Variants in RAPGEF2 observed in about 807,000 individuals in gnomAD.
The protein encoded by RAPGEF2 is PDZ domain containing guanine nucleotide exchange factor (GEF) 1.
Under a neutral mutation model 186.7 loss-of-function variants are expected in RAPGEF2, and 54 were observed. That is an observed-to-expected ratio of 0.29 (90% CI 0.23 to 0.36). The LOEUF (loss-of-function observed/expected upper bound fraction) is 0.36. Among genes scored for constraint, RAPGEF2 ranks in the 10% least tolerant of loss-of-function variants. RAPGEF2 has a pLI of 1.00. For missense variants in RAPGEF2, 1,532 were observed against 2,045.0 expected, an observed-to-expected ratio of 0.75 and a Z score of 4.84; for synonymous variants, 712 against 705.9, an observed-to-expected ratio of 1.01 and a Z score of -0.14.
chr4:159,153,129 C>T (rs1561018199), intron 1 of RAPGEF2, among the ~76,000 whole-genome samples: 1 of 152,194 alleles, frequency 6.6e-6, no homozygotes, highest in African/African-American at 2.4e-5. Context: ...CTTCATTACA[C>T]TAGTAGCCTT....
chr4:159,178,661 G>A (rs1339262701), intron 1 of RAPGEF2, among the ~76,000 whole-genome samples: 1 of 146,944 alleles, frequency 6.8e-6, no homozygotes, highest in Non-Finnish European at 1.5e-5. Flanking sequence ...GGGTTCAAGC[G>A]ATTCTCCTGC....
chr4:159,350,116 G>GTT (rs11320537), intron 25 of RAPGEF2, 21 bp from the exon 26 acceptor site: 181 of 1,268,262 alleles, frequency 1.4e-4, no homozygotes, highest in Middle Eastern at 8.1e-4. Flanking sequence ...CATATTTAAG[G>GTT]TTTTTTTTTT....
At chr4:159,110,756 A>G (rs555717221) in intron 1 of RAPGEF2, among the ~76,000 whole-genome samples, 11 of 152,324 alleles carry the variant, frequency 7.2e-5, no homozygotes, top group African/African-American at 2.4e-4. Flanking sequence ...TGACGACACA[A>G]TGTAATGATG....
intron 7 of RAPGEF2, among the ~76,000 whole-genome samples, chr4:159,300,004 C>T (rs1462211880): frequency 6.6e-6 from 1 of 151,502 alleles, no homozygotes; most frequent in Non-Finnish European, 1.5e-5. Context: ...TCCTTCACAC[C>T]CATTTATTTA....
intron 1 of RAPGEF2, among the ~76,000 whole-genome samples, chr4:159,140,837 A>AT (rs901325959): frequency 5.1e-4 from 32 of 62,442 alleles, no homozygotes; most frequent in African/African-American, 8.2e-4. Context: ...AAAAAAAAAA[A>AT]TTTTTTTTTT....
chr4:159,243,457 CT>C (rs1323580535), intron 6 of RAPGEF2, among the ~76,000 whole-genome samples: 1 of 151,836 alleles, frequency 6.6e-6, no homozygotes, highest in African/African-American at 2.4e-5. Context: ...TTTATTACCC[CT>C]ACGCCATATT....
In RAPGEF2 at chr4:159,104,124, C is replaced by A. The variant is rs548159339; in HGVS notation, c.-39C>A. 2.4e-4 allele frequency: 343 copies of A among 1,408,692 alleles called. No homozygotes were observed. The African/African-American group carries it at 4.6e-3, about 19-fold the overall frequency. The allele number at this position is 1,408,692 out of a possible 1,614,324, so 87.3% of individuals were successfully genotyped here. ...GGCGCTGGGCCGGGAGGAGGCCGGC[C>A]AGGGTGCGGAGCGGCCCCGGCCCGC... On this transcript the variant is annotated 5_prime_UTR_variant, in exon 1 of 30. Transcript: ENST00000691494.
At chr4:159,253,049 C>G (rs1387819955) in intron 7 of RAPGEF2, among the ~76,000 whole-genome samples, 3 of 152,196 alleles carry the variant, frequency 2.0e-5, no homozygotes, top group Non-Finnish European at 4.4e-5. Context: ...GTTCTCACAT[C>G]TGTATTCAAT....
chr4:159,143,111 C>G (rs1334988733), intron 1 of RAPGEF2, among the ~76,000 whole-genome samples: 2 of 152,006 alleles, frequency 1.3e-5, no homozygotes, highest in Admixed American at 1.3e-4. Context: ...GTGGCATGCA[C>G]CTGTAGTCTC....
rs980908570 is a variant in RAPGEF2, at chr4:159,255,672, G to C, written c.543+11881G>C. Among the ~76,000 whole-genome samples, 3 of 152,168 alleles carry C rather than the reference G, an allele frequency of 2.0e-5. No individual in the cohort carries two copies. In the South Asian group the frequency reaches 6.2e-4, roughly 32 times the overall value. On this transcript the variant is annotated intron_variant, in intron 7 of 29. Transcript: ENST00000691494. Reference sequence around the variant, plus strand: ...TTCTACGTGATAAGGGGTCACCATAGGTTCTTGCATTGTTTTTGGGTAGAG... The same window carrying C: ...TTCTACGTGATAAGGGGTCACCATACGTTCTTGCATTGTTTTTGGGTAGAG...
intron 7 of RAPGEF2, among the ~76,000 whole-genome samples, chr4:159,265,957 G>GT (rs1469697451): frequency 6.6e-6 from 1 of 152,222 alleles, no homozygotes; most frequent in Non-Finnish European, 1.5e-5. Context: ...GGTTCATCAT[G>GT]TAAGTATTCC....
At chr4:159,117,294 A>C (rs1023437377) in intron 1 of RAPGEF2, among the ~76,000 whole-genome samples, 1 of 152,210 alleles carries the variant, frequency 6.6e-6, no homozygotes, top group African/African-American at 2.4e-5. Context: ...CTTTAGGGCA[A>C]ACATTTTCTG....
chr4:159,301,055 T>G (rs1272987259), intron 7 of RAPGEF2, among the ~76,000 whole-genome samples: 2 of 152,178 alleles, frequency 1.3e-5, no homozygotes, highest in African/African-American at 4.8e-5. Context: ...TTCCATAACT[T>G]GACTGATGTG....
intron 25 of RAPGEF2, among the ~76,000 whole-genome samples, chr4:159,348,149 G>A (rs1296482946): frequency 6.6e-6 from 1 of 152,052 alleles, no homozygotes; most frequent in Non-Finnish European, 1.5e-5. Context: ...TCAACCTGGG[G>A]GGTGGAAATT....
At chr4:159,270,932 A>G (rs1350275018) in intron 7 of RAPGEF2, among the ~76,000 whole-genome samples, 1 of 152,198 alleles carries the variant, frequency 6.6e-6, no homozygotes, top group African/African-American at 2.4e-5. Context: ...GGTTTTGTGA[A>G]TATAAAAATG....
rs1165082518 is a variant in RAPGEF2 at position 159,343,355 on chromosome 4, G to A, written c.3205G>A (p.Gly1069Ser). 5 of 1,613,900 alleles carry A rather than the reference G, an allele frequency of 3.1e-6. No individual in the cohort carries two copies. Among genetic ancestry groups the A allele is most frequent in the Non-Finnish European group, 4.2e-6 (5 of 1,179,940 alleles). Residue 1069 changes from glycine (G) to serine (S), a missense_variant, in exon 22 of 30, where the codon GGC becomes AGC. Coordinates refer to ENST00000691494, the MANE Select transcript of RAPGEF2 (RefSeq NM_001394067.2). Reference protein sequence around the residue: ...RMIAKEIRHVGRMASVNMDPA... With the variant: ...RMIAKEIRHVSRMASVNMDPA... ...GATTGCAAAAGAAATTCGTCACGTT[G>A]GCCGAATGGCTTCAGTGAACATGGA...
intron 8 of RAPGEF2, among the ~76,000 whole-genome samples, chr4:159,314,216 A>G (rs985987287): frequency 1.3e-5 from 2 of 152,226 alleles, no homozygotes; most frequent in South Asian, 2.1e-4. Flanking sequence ...ATTCACACCT[A>G]TTCTGCAAAA....
chr4:159,212,830 G>A (rs1352263874), intron 4 of RAPGEF2, among the ~76,000 whole-genome samples: 1 of 152,186 alleles, frequency 6.6e-6, no homozygotes, highest in Non-Finnish European at 1.5e-5. Flanking sequence ...CAGTGAAGAA[G>A]CCAGTAGTGG....
At chr4:159,277,534 T>C (rs1191720493) in intron 7 of RAPGEF2, among the ~76,000 whole-genome samples, 1 of 152,216 alleles carries the variant, frequency 6.6e-6, no homozygotes, top group Non-Finnish European at 1.5e-5. Flanking sequence ...TAGTTTACAG[T>C]CCCACCAACA....
Sources: allele counts gnomAD v4.1 joint callset (sites outside exome capture counted in the v4.1 genomes callset), GRCh38; gene constraint gnomAD v4.1.1; transcripts MANE v1.5; gene names NCBI Gene and HGNC (gene_info 2026-07-23, HGNC 2026-07-21).